The following ANKRD45 variants were observed in gnomAD, a reference collection of about 807,000 sequenced individuals.
ANKRD45 encodes the protein ankyrin repeat domain-containing protein 45.
ANKRD45 carries 21 observed loss-of-function variants against 28.1 expected under a neutral mutation model. That is an observed-to-expected ratio of 0.75 (90% CI 0.53 to 1.08). The LOEUF (loss-of-function observed/expected upper bound fraction) is 1.08, where lower values mean the gene tolerates loss of function less well. Among genes scored for constraint, ANKRD45 ranks in the 50% least tolerant of loss-of-function variants. ANKRD45 has a pLI of 0.00. For synonymous variants in ANKRD45, 86 were observed against 103.9 expected, an observed-to-expected ratio of 0.83 and a Z score of 1.05; for missense variants, 261 against 308.7, an observed-to-expected ratio of 0.85 and a Z score of 1.16.
chr1:173,651,496 C>T (rs181365875), intron 2 of ANKRD45, among the ~76,000 whole-genome samples: 1 of 152,282 alleles, frequency 6.6e-6, no homozygotes, highest in East Asian at 1.9e-4. Context: ...CTTACTGTAG[C>T]CTTGTAGTAT....
At chr1:173,682,548 A>T in the ANKRD45 span, among the ~76,000 whole-genome samples, 1 of 152,088 alleles carries the variant, frequency 6.6e-6, no homozygotes, top group Non-Finnish European at 1.5e-5. Context: ...AGAGGGTGCA[A>T]GAGAAAGGAG....
the ANKRD45 span, among the ~76,000 whole-genome samples, chr1:173,698,616 AC>A: frequency 0.16 from 24,718 of 152,186 alleles, 2,259 homozygotes; most frequent in Middle Eastern, 0.32. Context: ...GTTCTTTGAA[AC>A]CAATGAGAAC....
intron 5 of ANKRD45, chr1:173,612,676 A>T (rs1371865925): frequency 6.5e-6 from 1 of 154,638 alleles, no homozygotes; most frequent in African/African-American, 2.4e-5. Flanking sequence ...ATCTCGGCTC[A>T]CTGCAGCCTC....
chr1:173,690,903 T>A, the ANKRD45 span, among the ~76,000 whole-genome samples: 1 of 152,164 alleles, frequency 6.6e-6, no homozygotes, highest in East Asian at 1.9e-4. Flanking sequence ...GATTTTTGCC[T>A]TTTGGGGTGG....
At chr1:173,665,930 C>A (rs1422080118) in intron 1 of ANKRD45, among the ~76,000 whole-genome samples, 2 of 152,050 alleles carry the variant, frequency 1.3e-5, no homozygotes, top group African/African-American at 4.8e-5. Flanking sequence ...GAGAGAATCG[C>A]TTGAGCTCAG....
At chr1:173,669,684 G>A (rs1410955718) in intron 1 of ANKRD45, 133 bp downstream of exon 1, 4 of 338,828 alleles carry the variant, frequency 1.2e-5, no homozygotes, top group Non-Finnish European at 2.5e-5. Flanking sequence ...GAAGCAGTGT[G>A]AGGACGCTGA....
chr1:173,638,433 AG>A lies in ANKRD45; in HGVS notation c.496+8412del, dbSNP rs1194098869. On this transcript the variant is annotated intron_variant, in intron 3 of 5. Transcript: ENST00000333279. ...CAAGCCTCCAAAGGAAGGAAGGGCA[AG>A]AAGCCTCTAGTAGGAGAGGTTGAGC... Among the ~76,000 whole-genome samples, 7 of 152,228 alleles carry A rather than the reference AG, an allele frequency of 4.6e-5. No homozygotes were observed. The East Asian group carries it at 1.4e-3, about 29-fold the overall frequency.
At position 173,633,531 on chromosome 1, in the gene ANKRD45, GC is replaced by G. The variant is rs573381613; in HGVS notation, c.497-6373del. 3.9e-4 allele frequency among the ~76,000 whole-genome samples: 60 copies of G among 152,060 alleles called. 1 individual carries two copies. The highest frequency in any genetic ancestry group is 7.5e-4 in the Non-Finnish European group (51 of 67,888). ...ATGGAACCACAAAAGCCCCAGAATA[GC>G]CAAAGACATCCTGAGCAAAACAAAA... On this transcript the variant is annotated intron_variant, in intron 3 of 5. Coordinates refer to ENST00000333279, the MANE Select transcript of ANKRD45 (RefSeq NM_198493.3).
Position 173,608,591 on chromosome 1 carries a change from T to G in ANKRD45, c.*1554A>C, listed in dbSNP as rs1431556399. Among the ~76,000 whole-genome samples the G allele has an allele frequency of 2.0e-5, 3 of 151,776 alleles. No individual in the cohort carries two copies. The highest frequency in any genetic ancestry group is 1.5e-5 in the Non-Finnish European group (1 of 67,976). On this transcript the variant is annotated 3_prime_UTR_variant, in exon 6 of 6. Transcript: ENST00000333279. The stretch of plus-strand genomic sequence containing the variant: ...GCCTTGGCCTCCCAAAGTTCTTGGA[T>G]TACAGGTGTGAGCCAGCACCCAGCC...
intron 2 of ANKRD45, among the ~76,000 whole-genome samples, chr1:173,652,359 G>GT (rs1161937873): frequency 1.3e-5 from 2 of 152,108 alleles, no homozygotes; most frequent in African/African-American, 4.8e-5. Context: ...ATAATCATGT[G>GT]TTTTTTTGTC....
chr1:173,638,733 C>G (rs982118596), intron 3 of ANKRD45, among the ~76,000 whole-genome samples: 7 of 152,174 alleles, frequency 4.6e-5, no homozygotes, highest in Non-Finnish European at 1.0e-4. Context: ...AGGAAGGTGG[C>G]TTACTGACTC....
the ANKRD45 span, among the ~76,000 whole-genome samples, chr1:173,682,620 G>T: frequency 6.7e-6 from 1 of 149,678 alleles, no homozygotes; most frequent in Non-Finnish European, 1.5e-5. Context: ...AAAAGCTTTT[G>T]CTCAAATAAA....
upstream of ANKRD45, among the ~76,000 whole-genome samples, chr1:173,670,339 G>T (rs1469090289): frequency 6.6e-6 from 1 of 152,114 alleles, no homozygotes. Flanking sequence ...ACTTTAAAAG[G>T]GGGGAAGCGA....
intron 2 of ANKRD45, among the ~76,000 whole-genome samples, chr1:173,656,807 G>GA (rs971185922): frequency 6.6e-6 from 1 of 151,906 alleles, no homozygotes; most frequent in African/African-American, 2.4e-5. Context: ...GAATGCTTCT[G>GA]AAAAATCCAA....
intron 5 of ANKRD45, among the ~76,000 whole-genome samples, chr1:173,620,750 AAG>A (rs1179442760): frequency 4.6e-5 from 7 of 152,202 alleles, no homozygotes; most frequent in Admixed American, 2.6e-4. Context: ...TAAAAAAAAA[AAG>A]AACCAAGAGC....
chr1:173,610,278 C>T, intron 5 of ANKRD45, 63 bp from the exon 6 acceptor site: 1 of 1,471,722 alleles, frequency 6.8e-7, no homozygotes, highest in Non-Finnish European at 9.5e-7. Context: ...AAAATGAAGC[C>T]AGTTTTTAAG....
intron 3 of ANKRD45, among the ~76,000 whole-genome samples, chr1:173,631,277 G>T (rs892794754): frequency 6.6e-6 from 1 of 152,054 alleles, no homozygotes; most frequent in African/African-American, 2.4e-5. Context: ...GGATATAACA[G>T]CTGGGAATAT....
At chr1:173,686,393 G>A in the ANKRD45 span, among the ~76,000 whole-genome samples, 1 of 152,154 alleles carries the variant, frequency 6.6e-6, no homozygotes, top group South Asian at 2.1e-4. Context: ...AGGGGATGGT[G>A]CTTTCTTGAC....
chr1:173,707,816 G>A, the ANKRD45 span, among the ~76,000 whole-genome samples: 2 of 152,160 alleles, frequency 1.3e-5, no homozygotes, highest in African/African-American at 4.8e-5. Context: ...GGTCTTCAGA[G>A]GACTTTGTTG....
Sources: allele counts gnomAD v4.1 joint callset (sites outside exome capture counted in the v4.1 genomes callset), GRCh38; gene constraint gnomAD v4.1.1; transcripts MANE v1.5; gene names NCBI Gene and HGNC (gene_info 2026-07-23, HGNC 2026-07-21).